TTN: variants seen among roughly 807,000 people sequenced by gnomAD.
TTN encodes the protein connectin.
Under a neutral mutation model 3,223.0 loss-of-function variants are expected in TTN, and 1,525 were observed. That is an observed-to-expected ratio of 0.47 (90% CI 0.45 to 0.49). The LOEUF is 0.49. Ranked by LOEUF, TTN falls within the 20% of genes least tolerant of loss-of-function variation. The probability of loss-of-function intolerance (pLI) is 0.00; values close to 1 mark genes in which losing one functional copy is unlikely to be tolerated. For synonymous variants in TTN, 14,094 were observed against 15,161.0 expected (o/e 0.93, Z 5.17); for missense variants, 40,786 against 43,424.0 (o/e 0.94, Z 5.40).
rs1709278719 is a variant in TTN, at chr2:178,574,239, C to A, written c.71893G>T (p.Asp23965Tyr). Reference protein sequence around the residue: ...KITSYIVEKRDLPNGRWLKAN... With the variant: ...KITSYIVEKRYLPNGRWLKAN... ...TTCAGCCACCGTCCATTAGGAAGGT[C>A]TCTCTTTTCAACGATATAACTGGTA... Residue 23965 changes from aspartate (D) to tyrosine (Y), a missense_variant, in exon 326 of 363, where the codon GAC (aspartate) becomes TAC (tyrosine). Physicochemically the swap from Asp to Tyr is radical, Grantham distance 160. Transcript: ENST00000589042. 2.5e-6 allele frequency: 4 copies of A among 1,613,114 alleles called. No homozygotes were observed. Among genetic ancestry groups the A allele is most frequent in the Non-Finnish European group, 2.5e-6 (3 of 1,179,446 alleles).
At chr2:178,671,895 T>G in intron 155 of TTN, 76 bp downstream of exon 155, 1 of 1,509,024 alleles carries the variant, frequency 6.6e-7, no homozygotes, top group Non-Finnish European at 8.9e-7. Context: ...TCTTCCAAAC[T>G]GAACACAAAA....
intron 282 of TTN, 30 bp downstream of exon 282, chr2:178,603,846 A>T: frequency 6.6e-7 from 1 of 1,518,408 alleles, no homozygotes; most frequent in Non-Finnish European, 8.9e-7. Context: ...TGCTTTAGAA[A>T]TTAGTCCCCA....
At chr2:178,705,996 T>A (rs1008007116) in intron 102 of TTN, among the ~76,000 whole-genome samples, 2 of 152,236 alleles carry the variant, frequency 1.3e-5, no homozygotes, top group Non-Finnish European at 2.9e-5. Context: ...CGGAAATTGA[T>A]TCTAATGAAA....
rs754456949 is a variant in TTN at position 178,575,779 on chromosome 2, A to G, written c.70353T>C (p.Ser23451=). The stretch of plus-strand genomic sequence containing the variant: ...GAGGGAGGTCCCAGTGCAGGGTGAC[A>G]CTGTCCTTTGTGATGTCTGTAGGCC... ...NLRPTDITKD[S]VTLHWDLPLI... Residue 23451 remains serine (S), a synonymous_variant, in exon 326 of 363, where the codon AGT becomes AGC. Transcript: ENST00000589042. The surrounding 1 kb of genome is among the most constrained non-coding windows in gnomAD (Gnocchi z 4.0). 1.9e-6 allele frequency: 3 copies of G among 1,613,158 alleles called. No homozygotes were observed. The highest frequency in any genetic ancestry group is 2.7e-5 in the African/African-American group (2 of 74,870).
chr2:178,575,723 T>C lies in TTN; in HGVS notation c.70409A>G (p.Tyr23470Cys), dbSNP rs750891099. Residue 23470 changes from tyrosine (Y) to cysteine (C), a missense_variant, in exon 326 of 363, where the codon TAC becomes TGC. By Grantham distance (194) the Tyr-to-Cys change is radical. Coordinates refer to ENST00000589042, the MANE Select transcript of TTN (RefSeq NM_001267550.2). This position sits in a 1 kb window ranked among gnomAD's most constrained non-coding sequence, Gnocchi z 4.0. ...TGTTGCTTCACGTTTCTCTACAATG[T>C]AGTTTGTTATACGTGAGCCTCCATC... ...LIDGGSRITN[Y>C]IVEKREATRK... The C allele has an allele frequency of 1.7e-5, 27 of 1,613,528 alleles. No individual in the cohort carries two copies. Among genetic ancestry groups the C allele is most frequent in the Non-Finnish European group, 2.2e-5 (26 of 1,179,634 alleles).
At position 178,576,178 on chromosome 2, in the gene TTN, G is replaced by A. The variant is rs1391755399; in HGVS notation, c.69954C>T (p.Ala23318=). The A allele has an allele frequency of 6.2e-7, 1 of 1,612,934 alleles. No homozygotes were observed. Among genetic ancestry groups the A allele is most frequent in the African/African-American group, 1.3e-5 (1 of 74,868 alleles). ...TKEKYNFRIS[A]INDAGVGEPA... ...GCTCCCCAACACCTGCATCGTTGAT[G>A]GCACTGATTCTGAAGTTGTATTTTT... Residue 23318 remains alanine, a synonymous_variant, in exon 326 of 363, where the codon GCC becomes GCT. Transcript: ENST00000589042. The surrounding 1 kb of genome is among the most constrained non-coding windows in gnomAD (Gnocchi z 4.3).
Position 178,731,814 on chromosome 2 carries a change from A to G in TTN, c.17061T>C (p.Ile5687=). 6.2e-7 allele frequency: 1 copy of G among 1,613,832 alleles called. No individual in the cohort carries two copies. The change falls in exon 58 of 363, where the codon ATT becomes ATC. Residue 5687 remains isoleucine (I), a synonymous_variant. Transcript: ENST00000589042. ...TCTGCAGGCTAACCAGATGATCCTG[A>G]ATGAAAGTCTTATACTTTCTACCAC... ...LRSGRKYKTF[I]QDHLVSLQIL...
Position 178,598,586 on chromosome 2 carries a change from G to A in TTN, c.57031C>T (p.Pro19011Ser), listed in dbSNP as rs1436800817. The A allele has an allele frequency of 3.1e-6, 5 of 1,608,732 alleles. No individual in the cohort carries two copies. Among genetic ancestry groups the A allele is most frequent in the Non-Finnish European group, 4.2e-6 (5 of 1,178,664 alleles). The change falls in exon 292 of 363, where the codon CCC becomes TCC. Residue 19011 changes from proline (P) to serine (S), a missense_variant. Coordinates refer to ENST00000589042, the MANE Select transcript of TTN (RefSeq NM_001267550.2). ...TKSSADLEWS[P>S]PLKDGGSKVT... ...TTGGATCCACCATCTTTTAGTGGGG[G>A]AGACCACTCCAGATCTGCAGATGAT...
Position 178,588,588 on chromosome 2 carries a change from A to G in TTN, c.63137T>C (p.Ile21046Thr), listed in dbSNP as rs368868562. 1.3e-5 allele frequency: 20 copies of G among 1,556,878 alleles called. No individual in the cohort carries two copies. In the African/African-American group the frequency reaches 2.2e-4, roughly 17 times the overall value. The change falls in exon 304 of 363, where the codon ATT (isoleucine) becomes ACT (threonine). Residue 21046 changes from isoleucine (I) to threonine (T), a missense_variant. Physicochemically the swap from Ile to Thr is moderately conservative, Grantham distance 89. Coordinates refer to ENST00000589042, the MANE Select transcript of TTN (RefSeq NM_001267550.2). ...TCTTGAAGGCAAGCTTGGTTCTCCA[A>G]TTCCAATTTCATTTTCTGCCTTGAC... Reference protein sequence around the residue: ...FRVKAENEIGIGEPSLPSRPV... With the variant: ...FRVKAENEIGTGEPSLPSRPV...
At chr2:178,774,710 A>C in intron 29 of TTN, 1 of 720,828 alleles carries the variant, frequency 1.4e-6, no homozygotes, top group Non-Finnish European at 2.2e-6. Flanking sequence ...TTAAAAGCTA[A>C]AAATCAAGAT....
chr2:178,692,012 G>C lies in TTN; in HGVS notation c.31762+4C>G, dbSNP rs368538884. 2 of 1,609,638 alleles carry C rather than the reference G, an allele frequency of 1.2e-6. No individual in the cohort carries two copies. Among genetic ancestry groups the C allele is most frequent in the Non-Finnish European group, 1.7e-6 (2 of 1,177,722 alleles). ...GAGTCTCCCCATCATTGGCTCTGGC[G>C]TACCTTTTGGGGGAGCAGCAGGTTC... On this transcript the variant is annotated splice_donor_region_variant and intron_variant, in intron 121 of 362. Transcript: ENST00000589042.
In TTN at chr2:178,587,631, G is replaced by A. The variant is rs756307120; in HGVS notation, c.63678C>T (p.Asp21226=). Residue 21226 remains aspartate (D), a synonymous_variant, in exon 306 of 363, where the codon GAC becomes GAT. Transcript: ENST00000589042. ...TGGGGATGACAAGGAAGGCCATAGT[G>A]TCAACCAGATCAACTTGTCCTTTTC... The part of the protein sequence containing the change: ...VVRKGQVDLV[D]TMAFLVIPNS... The A allele has an allele frequency of 1.2e-6, 2 of 1,612,702 alleles. No homozygotes were observed. Among genetic ancestry groups the A allele is most frequent in the South Asian group, 2.2e-5 (2 of 91,036 alleles).
rs1308248191 is a variant in TTN, at chr2:178,566,507, C to A, written c.79625G>T (p.Gly26542Val). The A allele has an allele frequency of 6.2e-7, 1 of 1,613,306 alleles. No individual in the cohort carries two copies. The highest frequency in any genetic ancestry group is 1.3e-5 in the African/African-American group (1 of 74,872). Residue 26542 changes from glycine (G) to valine (V), a missense_variant, in exon 326 of 363, where the codon GGC becomes GTC. Transcript: ENST00000589042. ...AATTTCAAATCGAGTGACTCTCAGG[C>A]CAGTCTGTGGAGTAACTATTTGCCA... ...EEWQIVTPQT[G>V]LRVTRFEISK...
Position 178,732,363 on chromosome 2 carries a change from A to G in TTN, c.16622-16T>C. ...GTGGCAGGTTCTGTGGAAGGAAGGA[A>G]GTTATTAAGAAATGTGAGAAAGAGG... On this transcript the variant is annotated splice_polypyrimidine_tract_variant and intron_variant, in intron 56 of 362. Transcript: ENST00000589042. The G allele has an allele frequency of 1.3e-6, 2 of 1,581,694 alleles. No individual in the cohort carries two copies. Among genetic ancestry groups the G allele is most frequent in the African/African-American group, 1.4e-5 (1 of 73,700 alleles).
chr2:178,560,870 A>G lies in TTN; in HGVS notation c.85262T>C (p.Ile28421Thr), dbSNP rs749273378. 1.2e-6 allele frequency: 2 copies of G among 1,613,588 alleles called. No homozygotes were observed. Among genetic ancestry groups the G allele is most frequent in the Non-Finnish European group, 8.5e-7 (1 of 1,179,818 alleles). ...TACATATTGCCCAGTGTCTCGTCTT[A>G]TACAGTCTTTAACTGTTAACAAAGT... Reference protein sequence around the residue: ...NHTLLTVKDCIRRDTGQYVLT... With the variant: ...NHTLLTVKDCTRRDTGQYVLT... Residue 28421 changes from isoleucine to threonine, a missense_variant, in exon 326 of 363, where the codon ATA (isoleucine) becomes ACA (threonine). Physicochemically the swap from Ile to Thr is moderately conservative, Grantham distance 89 (BLOSUM62 -1). Coordinates refer to ENST00000589042, the MANE Select transcript of TTN (RefSeq NM_001267550.2).
intron 346 of TTN, 73 bp downstream of exon 346, chr2:178,543,761 T>C: frequency 6.4e-7 from 1 of 1,563,300 alleles, no homozygotes; most frequent in East Asian, 2.3e-5. Context: ...AGAGAGGTGA[T>C]CAATCATAGG....
intron 44 of TTN, chr2:178,758,695 C>G (rs543844912): frequency 2.2e-4 from 96 of 437,062 alleles, no homozygotes; most frequent in Admixed American, 4.3e-4. Flanking sequence ...ATTTCGCCCC[C>G]TTCTGATTCA....
Position 178,784,172 on chromosome 2 carries a change from C to G in TTN, c.2673G>C (p.Lys891Asn). The G allele has an allele frequency of 6.2e-7, 1 of 1,614,160 alleles. No homozygotes were observed. The highest frequency in any genetic ancestry group is 8.5e-7 in the Non-Finnish European group (1 of 1,180,008). ...TTTTCACCTCAACGCCAGCTTCACT[C>G]TTGTAAGTATCTGGTGTGTCAGCGA... ...FPFADTPDTY[K>N]SEAGVEVKKE... is the part of the protein sequence containing the mutation. Residue 891 changes from lysine to asparagine, a missense_variant, in exon 16 of 363, where the codon AAG becomes AAC. Transcript: ENST00000589042.
In TTN at chr2:178,607,865, T is replaced by C. The variant is rs747537364; in HGVS notation, c.52922A>G (p.Lys17641Arg). Residue 17641 changes from lysine (K) to arginine (R), a missense_variant, in exon 276 of 363, where the codon AAA becomes AGA. Lys to Arg is a conservative substitution (Grantham distance 26). Transcript: ENST00000589042. ...VKEIREGADY[K>R]LRVSAVNAAG... is the part of the protein sequence containing the mutation. ...GGCATTGACAGCACTCACCCGAAGT[T>C]TGTAATCAGCACCCTCTCGGATTTC... is the stretch of plus-strand genomic sequence containing the variant. 3 of 1,613,076 alleles carry C rather than the reference T, an allele frequency of 1.9e-6. No homozygotes were observed. Among genetic ancestry groups the C allele is most frequent in the Non-Finnish European group, 1.7e-6 (2 of 1,179,338 alleles).
Sources: gnomAD v4.1 joint callset for allele counts (sites outside exome capture counted in the v4.1 genomes callset) on GRCh38, gnomAD v4.1.1 for gene constraint, Gnocchi (gnomAD v3.1) non-coding constraint, MANE v1.5 for transcripts, NCBI Gene and HGNC (gene_info 2026-07-23, HGNC 2026-07-21) for gene names.